The following EML6 variants were observed in gnomAD, a reference collection of about 807,000 sequenced individuals.
The protein encoded by EML6 is echinoderm microtubule-associated protein-like 6.
In EML6, 154 loss-of-function variants were observed where a neutral mutation model predicts 240.1. The observed-to-expected ratio is 0.64, with a 90% CI of 0.56 to 0.73. The LOEUF (loss-of-function observed/expected upper bound fraction) is 0.73. Ranked by LOEUF, EML6 falls within the 30% of genes least tolerant of loss-of-function variation. EML6 has a pLI of 0.00. For synonymous variants in EML6, 1,148 were observed against 899.0 expected (o/e 1.28, Z -4.95); for missense variants, 2,964 against 2,474.6 (o/e 1.20, Z -4.20).
Position 54,968,310 on chromosome 2 carries a change from C to T in EML6, c.5751+29C>T, listed in dbSNP as rs1240332878. On this transcript the variant is annotated intron_variant, in intron 40 of 41. Coordinates refer to ENST00000356458, the MANE Select transcript of EML6 (RefSeq NM_001039753.4). ...AGTGTTCCTCAGAGTAACCTCCCTG[C>T]AGGTTCTCTGTTTGGCCGTCTGCAG... 1.9e-6 allele frequency: 3 copies of T among 1,550,074 alleles called. No homozygotes were observed. In the South Asian group the frequency reaches 3.6e-5, roughly 18 times the overall value.
chr2:54,942,462 G>C (rs1284069299), intron 28 of EML6, among the ~76,000 whole-genome samples: 1 of 152,232 alleles, frequency 6.6e-6, no homozygotes, highest in African/African-American at 2.4e-5. Flanking sequence ...GGCACTACCA[G>C]GGGTGTTGAT....
intron 2 of EML6, among the ~76,000 whole-genome samples, chr2:54,761,330 A>T (rs1433927935): frequency 1.3e-5 from 2 of 152,170 alleles, no homozygotes; most frequent in Admixed American, 1.3e-4. Flanking sequence ...TAACTGAAAA[A>T]AAAGCATAAA....
intron 28 of EML6, 34 bp from the exon 29 acceptor site, chr2:54,948,848 A>C: frequency 6.6e-7 from 1 of 1,526,468 alleles, no homozygotes; most frequent in Non-Finnish European, 8.9e-7. Flanking sequence ...CCCTTGTTCA[A>C]TGCTGTGCTT....
intron 3 of EML6, among the ~76,000 whole-genome samples, chr2:54,815,033 C>G (rs142576586): frequency 2.6e-5 from 4 of 152,342 alleles, no homozygotes; most frequent in Non-Finnish European, 5.9e-5. Flanking sequence ...TATGTCTGTA[C>G]TGGTATGCAC....
At chr2:54,799,576 C>T (rs1350667476) in intron 2 of EML6, among the ~76,000 whole-genome samples, 2 of 152,150 alleles carry the variant, frequency 1.3e-5, no homozygotes, top group East Asian at 1.9e-4. Flanking sequence ...ATCTCCTGAC[C>T]TCGTGATTCA....
At chr2:54,962,134 G>A (rs1573224259) in intron 35 of EML6, among the ~76,000 whole-genome samples, 1 of 147,990 alleles carries the variant, frequency 6.8e-6, no homozygotes, top group Non-Finnish European at 1.5e-5. Context: ...CCAGGCTGGA[G>A]TGCAGTGGTA....
chr2:54,798,096 A>G (rs1669918530), intron 2 of EML6, among the ~76,000 whole-genome samples: 1 of 152,186 alleles, frequency 6.6e-6, no homozygotes, highest in African/African-American at 2.4e-5. Context: ...GTACCTTAAC[A>G]ATAATTGAGT....
At chr2:54,855,207 A>G (rs1340703129) in intron 11 of EML6, among the ~76,000 whole-genome samples, 2 of 152,194 alleles carry the variant, frequency 1.3e-5, no homozygotes, top group Non-Finnish European at 2.9e-5. Flanking sequence ...CTACACAGGA[A>G]GTATGATGCT....
Position 54,970,115 on chromosome 2 carries a change from G to A in EML6, c.*20G>A, listed in dbSNP as rs1384715575. 1 of 1,551,430 alleles carries A rather than the reference G, an allele frequency of 6.4e-7. No homozygotes were observed. The highest frequency in any genetic ancestry group is 2.0e-5 in the Admixed American group (1 of 50,972). On this transcript the variant is annotated 3_prime_UTR_variant, in exon 42 of 42. Coordinates refer to ENST00000356458, the MANE Select transcript of EML6 (RefSeq NM_001039753.4). ...CTGTAAAATGCCAGAAGCCTCTTAT[G>A]TTATTGCTGCTGCTGCTACCAGCCA...
intron 28 of EML6, among the ~76,000 whole-genome samples, chr2:54,940,761 C>A (rs1675388968): frequency 6.6e-6 from 1 of 152,152 alleles, no homozygotes; most frequent in African/African-American, 2.4e-5. Context: ...TCCAGGGTGC[C>A]CCAGTTGGCC....
At chr2:54,778,504 C>T (rs1668696332) in intron 2 of EML6, among the ~76,000 whole-genome samples, 1 of 152,140 alleles carries the variant, frequency 6.6e-6, no homozygotes. Flanking sequence ...CATTTTATCA[C>T]TCTGTGCGAG....
rs768317788 is a variant in EML6, at chr2:54,903,390, C to G, written c.3297C>G (p.Ala1099=). 2.6e-6 allele frequency: 4 copies of G among 1,551,574 alleles called. No homozygotes were observed. The highest frequency in any genetic ancestry group is 3.5e-6 in the Non-Finnish European group (4 of 1,146,924). Residue 1099 remains alanine (A), a synonymous_variant, in exon 24 of 42, where the codon GCC becomes GCG. Coordinates refer to ENST00000356458, the MANE Select transcript of EML6 (RefSeq NM_001039753.4). The part of the protein sequence containing the change: ...KFSKDTGKYL[A]VASHDNFVDI... ...TAACAGATACGGGAAAATACCTTGCCGTGGCATCCCATGATAACTTTGTGG... is the reference window on the plus strand; with the variant it reads ...TAACAGATACGGGAAAATACCTTGCGGTGGCATCCCATGATAACTTTGTGG...
chr2:54,838,873 C>T (rs1388803948), intron 7 of EML6, among the ~76,000 whole-genome samples: 1 of 152,148 alleles, frequency 6.6e-6, no homozygotes, highest in African/African-American at 2.4e-5. Context: ...TCAAAAGTAA[C>T]AATGATGTGT....
At chr2:54,858,387 A>G (rs140044289) in intron 11 of EML6, among the ~76,000 whole-genome samples, 1 of 152,344 alleles carries the variant, frequency 6.6e-6, no homozygotes, top group Admixed American at 6.5e-5. Context: ...AGATAGGCTA[A>G]TTGATCTGTG....
In EML6 at chr2:54,774,521, T is replaced by C. The variant is rs1038376734; in HGVS notation, c.198-38711T>C. 6.6e-6 allele frequency among the ~76,000 whole-genome samples: 1 copy of C among 152,200 alleles called. No individual in the cohort carries two copies. The highest frequency in any genetic ancestry group is 1.5e-5 in the Non-Finnish European group (1 of 68,034). Reference sequence around the variant, plus strand: ...AGGGGGTTCTGGATGGTTTTTAGCCTACATCACGGGGAGAATGGAAGAGCT... The same window carrying C: ...AGGGGGTTCTGGATGGTTTTTAGCCCACATCACGGGGAGAATGGAAGAGCT... On this transcript the variant is annotated intron_variant, in intron 2 of 41. Transcript: ENST00000356458. The surrounding 1 kb of genome is among the most constrained non-coding windows in gnomAD (Gnocchi z 4.1).
intron 5 of EML6, among the ~76,000 whole-genome samples, chr2:54,826,012 C>T (rs776510284): frequency 6.6e-6 from 1 of 152,214 alleles, no homozygotes; most frequent in Non-Finnish European, 1.5e-5. Flanking sequence ...CAACTTAGTT[C>T]TCTACCTTTG....
At chr2:54,912,517 A>AG (rs1246609861) in intron 25 of EML6, among the ~76,000 whole-genome samples, 1 of 152,184 alleles carries the variant, frequency 6.6e-6, no homozygotes, top group Non-Finnish European at 1.5e-5. Flanking sequence ...TCACCCAGGT[A>AG]GAGAGCACAG....
At chr2:54,736,959 A>C (rs72913551) in intron 2 of EML6, among the ~76,000 whole-genome samples, 5,476 of 152,292 alleles carry the variant, frequency 0.036, 356 homozygotes, top group African/African-American at 0.12. Flanking sequence ...AAAGACTAAA[A>C]CAGATTGAGG....
chr2:54,957,625 TC>T (rs1676291687), intron 32 of EML6, among the ~76,000 whole-genome samples, 164 bp from the exon 33 acceptor site: 1 of 152,178 alleles, frequency 6.6e-6, no homozygotes, highest in Non-Finnish European at 1.5e-5. Flanking sequence ...AGACACACTT[TC>T]CCCGCTGCCA....
Sources: gnomAD v4.1 joint callset for allele counts (sites outside exome capture counted in the v4.1 genomes callset) on GRCh38, gnomAD v4.1.1 for gene constraint, Gnocchi (gnomAD v3.1) non-coding constraint, MANE v1.5 for transcripts, NCBI Gene and HGNC (gene_info 2026-07-23, HGNC 2026-07-21) for gene names.